Variants in DOCK4 observed in about 807,000 individuals in gnomAD.
The protein encoded by DOCK4 is dedicator of cytokinesis protein 4.
Under a neutral mutation model 268.1 loss-of-function variants are expected in DOCK4, and 97 were observed. That is an observed-to-expected ratio of 0.36 (90% CI 0.31 to 0.43). The LOEUF (loss-of-function observed/expected upper bound fraction) is 0.43. Ranked by LOEUF, DOCK4 falls within the 20% of genes least tolerant of loss-of-function variation. The pLI is 1.00. For synonymous variants in DOCK4, 954 were observed against 887.2 expected, an observed-to-expected ratio of 1.08 and a Z score of -1.34; for missense variants, 2,145 against 2,455.7, an observed-to-expected ratio of 0.87 and a Z score of 2.67.
chr7:112,099,258 T>C (rs259303), intron 1 of DOCK4, among the ~76,000 whole-genome samples: 50,619 of 149,800 alleles, frequency 0.34, 9,629 homozygotes, highest in Non-Finnish European at 0.43. Flanking sequence ...TGCCATTGCA[T>C]TTCCGCCTGG....
intron 11 of DOCK4, among the ~76,000 whole-genome samples, chr7:111,939,846 A>G (rs1795060613): frequency 6.6e-6 from 1 of 152,224 alleles, no homozygotes; most frequent in African/African-American, 2.4e-5. Flanking sequence ...TTATAAATTC[A>G]AAGGTGGTAT....
At position 112,151,790 on chromosome 7, in the gene DOCK4, A is replaced by G. The variant is rs62475992; in HGVS notation, c.37+54312T>C. Among the ~76,000 whole-genome samples the G allele has an allele frequency of 7.7e-3, 1,177 of 151,936 alleles. 6 individuals are homozygous for G. Among genetic ancestry groups the G allele is most frequent in the Middle Eastern group, 0.014 (4 of 294 alleles). The stretch of plus-strand genomic sequence containing the variant: ...AAAAAAAAAAAAGGTACACATTAAC[A>G]TGAAGATTAATATGACCCAACCACC... On this transcript the variant is annotated intron_variant, in intron 1 of 52. Coordinates refer to ENST00000428084, the MANE Select transcript of DOCK4 (RefSeq NM_001363540.2).
At chr7:112,122,145 G>A (rs1301559711) in intron 1 of DOCK4, among the ~76,000 whole-genome samples, 1 of 151,802 alleles carries the variant, frequency 6.6e-6, no homozygotes, top group Non-Finnish European at 1.5e-5. Context: ...TAATTTTGGT[G>A]GGTCATTATG....
At chr7:111,939,359 C>T (rs1795014813) in intron 11 of DOCK4, among the ~76,000 whole-genome samples, 1 of 151,334 alleles carries the variant, frequency 6.6e-6, no homozygotes, top group African/African-American at 2.4e-5. Flanking sequence ...ACTAAAAATA[C>T]AAAAAATTAG....
chr7:112,136,063 G>C (rs533222166), intron 1 of DOCK4, among the ~76,000 whole-genome samples: 4 of 152,200 alleles, frequency 2.6e-5, no homozygotes, highest in African/African-American at 7.2e-5. Flanking sequence ...AATTATTTGG[G>C]CCAATTTCCA....
At chr7:112,161,653 G>A (rs1399469966) in intron 1 of DOCK4, among the ~76,000 whole-genome samples, 1 of 152,174 alleles carries the variant, frequency 6.6e-6, no homozygotes, top group Non-Finnish European at 1.5e-5. Context: ...GCTGATTTAT[G>A]TGATGTCAGA....
intron 16 of DOCK4, among the ~76,000 whole-genome samples, chr7:111,883,079 T>C (rs923356892): frequency 2.0e-5 from 3 of 152,194 alleles, no homozygotes. Flanking sequence ...AAATCATTGC[T>C]TTTACTACTG....
At chr7:111,888,476 G>T (rs1217631141) in intron 16 of DOCK4, among the ~76,000 whole-genome samples, 2 of 151,908 alleles carry the variant, frequency 1.3e-5, no homozygotes, top group Non-Finnish European at 2.9e-5. Context: ...TATGATTTTT[G>T]ATATGAAGTG....
intron 25 of DOCK4, among the ~76,000 whole-genome samples, chr7:111,838,995 G>A (rs1416559714): frequency 6.6e-6 from 1 of 152,142 alleles, no homozygotes; most frequent in Non-Finnish European, 1.5e-5. Context: ...TTGTTGGGTA[G>A]ACACAATCAA....
At chr7:111,734,946 A>G (rs1795365982) in intron 51 of DOCK4, 108 bp downstream of exon 51, 1 of 850,098 alleles carries the variant, frequency 1.2e-6, no homozygotes, top group African/African-American at 1.7e-5. Context: ...TAAGGTTTTT[A>G]TCCCAGAAAT....
intron 1 of DOCK4, among the ~76,000 whole-genome samples, chr7:112,159,261 C>T (rs896843471): frequency 6.6e-6 from 1 of 152,040 alleles, no homozygotes; most frequent in Non-Finnish European, 1.5e-5. Context: ...CAATCTTTCT[C>T]ACATCTGCAT....
At chr7:111,855,116 G>C (rs185480647) in intron 23 of DOCK4, among the ~76,000 whole-genome samples, 2 of 152,128 alleles carry the variant, frequency 1.3e-5, no homozygotes, top group Non-Finnish European at 2.9e-5. Context: ...AGGTGGACGG[G>C]GCCACATCAC....
At chr7:111,741,721 G>A (rs778011503) in intron 45 of DOCK4, 60 bp from the exon 46 acceptor site, 112 of 1,581,144 alleles carry the variant, frequency 7.1e-5, no homozygotes, top group Non-Finnish European at 9.4e-5. Flanking sequence ...AATAACTTAT[G>A]AGACAGGTTA....
chr7:111,742,513 C>A (rs551387065), intron 44 of DOCK4, among the ~76,000 whole-genome samples: 1 of 150,776 alleles, frequency 6.6e-6, no homozygotes, highest in Non-Finnish European at 1.5e-5. Flanking sequence ...TTAAGAGGGC[C>A]GGCAATTCTC....
chr7:111,969,224 AT>A (rs1215897743), intron 8 of DOCK4, among the ~76,000 whole-genome samples: 1 of 150,626 alleles, frequency 6.6e-6, no homozygotes, highest in Non-Finnish European at 1.5e-5. Flanking sequence ...AAAAAAAAAA[AT>A]TCACACAGCT....
chr7:111,772,251 T>C (rs1352151435), intron 36 of DOCK4, among the ~76,000 whole-genome samples: 1 of 151,938 alleles, frequency 6.6e-6, no homozygotes, highest in African/African-American at 2.4e-5. Context: ...TCTAAAAAAA[T>C]GTATTTTAAA....
At chr7:112,085,890 A>G (rs879336428) in intron 1 of DOCK4, among the ~76,000 whole-genome samples, 4 of 152,144 alleles carry the variant, frequency 2.6e-5, no homozygotes, top group Admixed American at 6.5e-5. Context: ...TTTTTGCCAA[A>G]AAAAGCAAAT....
At chr7:112,200,545 T>C (rs1015264459) in intron 1 of DOCK4, among the ~76,000 whole-genome samples, 1 of 152,064 alleles carries the variant, frequency 6.6e-6, no homozygotes, top group Non-Finnish European at 1.5e-5. Flanking sequence ...TTAATGTTCC[T>C]CTGATGTATA....
chr7:111,726,918 G>A lies in DOCK4; in HGVS notation c.*1356C>T, dbSNP rs1415007880. 1 of 152,496 alleles carries A rather than the reference G, an allele frequency of 6.6e-6. No homozygotes were observed. The highest frequency in any genetic ancestry group is 1.5e-5 in the Non-Finnish European group (1 of 68,006). 9.4% of individuals were successfully genotyped at this position (152,496 alleles called of 1,614,324 possible). ...TTCATTAAGAGAATATAAAAAAGTG[G>A]TCACTGCCTTCCAGGTAAGCTACCA... On this transcript the variant is annotated 3_prime_UTR_variant, in exon 53 of 53. Transcript: ENST00000428084.
Sources: allele counts gnomAD v4.1 joint callset (sites outside exome capture counted in the v4.1 genomes callset), GRCh38; gene constraint gnomAD v4.1.1; transcripts MANE v1.5; gene names NCBI Gene and HGNC (gene_info 2026-07-23, HGNC 2026-07-21).